Variants in NREP observed in about 807,000 individuals in gnomAD.
NREP encodes the protein neuronal regeneration related protein, also known as neuronal regeneration-related protein.
NREP carries 5 observed loss-of-function variants against 8.6 expected under a neutral mutation model. The observed-to-expected ratio is 0.58, with a 90% CI of 0.30 to 1.22. NREP has a LOEUF of 1.22. NREP is among the 50% of genes most tolerant of loss of function. The pLI is 0.07. For synonymous variants in NREP, 27 were observed against 28.0 expected, an observed-to-expected ratio of 0.96 and a Z score of 0.11; for missense variants, 86 against 82.5, an observed-to-expected ratio of 1.04 and a Z score of -0.17.
At chr5:111,871,587 T>C (rs1260015358) in intron 2 of NREP, among the ~76,000 whole-genome samples, 10 of 152,124 alleles carry the variant, frequency 6.6e-5, no homozygotes, top group Non-Finnish European at 1.5e-4. Flanking sequence ...ACTTTTTGAC[T>C]ATTGTAAGCT....
chr5:111,881,035 C>A (rs541948241), intron 2 of NREP, among the ~76,000 whole-genome samples: 1 of 152,208 alleles, frequency 6.6e-6, no homozygotes, highest in Non-Finnish European at 1.5e-5. Flanking sequence ...TTGCCTCACT[C>A]GGGAAGCGTA....
In NREP at chr5:111,962,127, T is replaced by G. The variant is rs1440343562; in HGVS notation, c.135+13147A>C. 2.0e-5 allele frequency among the ~76,000 whole-genome samples: 3 copies of G among 152,284 alleles called. No individual in the cohort carries two copies. In the East Asian group the frequency reaches 5.8e-4, roughly 29 times the overall value. The stretch of plus-strand genomic sequence containing the variant: ...TAAATAGTTCAGTGCTGTAAATAGT[T>G]CAGTTCCAGTACCATGGCTCTTTTA... On this transcript the variant is annotated intron_variant, in intron 2 of 3. Coordinates refer to the NREP transcript ENST00000395634.
chr5:111,869,866 G>A lies in NREP; in HGVS notation c.135+105408C>T, dbSNP rs542314373. ...GTTGAGCAAATGTAAGAAATGACTC[G>A]TATGAATGAATTTCTTGATGAAGAA... On this transcript the variant is annotated intron_variant, in intron 2 of 3. Coordinates refer to the NREP transcript ENST00000395634. Among the ~76,000 whole-genome samples, 46 of 152,302 alleles carry A rather than the reference G, an allele frequency of 3.0e-4. No homozygotes were observed. The South Asian group carries it at 5.2e-3, about 17-fold the overall frequency.
intron 2 of NREP, among the ~76,000 whole-genome samples, chr5:111,919,713 G>A (rs1755169194): frequency 6.6e-6 from 1 of 151,958 alleles, no homozygotes; most frequent in African/African-American, 2.4e-5. Context: ...CACACACCGG[G>A]GCCTGTCAGG....
intron 2 of NREP, among the ~76,000 whole-genome samples, chr5:111,919,722 G>T (rs891948304): frequency 6.6e-6 from 1 of 152,020 alleles, no homozygotes. Context: ...GGGCCTGTCA[G>T]GGGTTGAGGG....
chr5:111,883,811 C>G (rs1754153859), intron 2 of NREP, among the ~76,000 whole-genome samples: 1 of 152,050 alleles, frequency 6.6e-6, no homozygotes, highest in Admixed American at 6.5e-5. Flanking sequence ...ATCTCTGGGA[C>G]ACATTCAAAG....
At chr5:111,803,820 G>A (rs969166462) in intron 2 of NREP, among the ~76,000 whole-genome samples, 4 of 152,110 alleles carry the variant, frequency 2.6e-5, no homozygotes, top group African/African-American at 9.7e-5. Context: ...AGGTACAAAA[G>A]ATGAAATAAC....
At chr5:111,893,984 G>A (rs1323045463) in intron 2 of NREP, among the ~76,000 whole-genome samples, 2 of 152,058 alleles carry the variant, frequency 1.3e-5, no homozygotes, top group East Asian at 1.9e-4. Flanking sequence ...TTGGGAGGCC[G>A]ACGCAGGCAG....
At chr5:111,962,869 T>C (rs577923797) in intron 2 of NREP, among the ~76,000 whole-genome samples, 2 of 152,134 alleles carry the variant, frequency 1.3e-5, no homozygotes, top group African/African-American at 2.4e-5. Flanking sequence ...GCCTGTCTCA[T>C]CCCTTCTCTA....
At position 111,938,254 on chromosome 5, in the gene NREP, G is replaced by T. The variant is rs570450177; in HGVS notation, c.135+37020C>A. 3.3e-5 allele frequency among the ~76,000 whole-genome samples: 5 copies of T among 152,110 alleles called. No individual in the cohort carries two copies. The South Asian group carries it at 8.3e-4, about 25-fold the overall frequency. ...CATAGTTTGTTTCTGTTATACAAAG[G>T]CTGATTCTTACTTTCCTTTTCCAGT... On this transcript the variant is annotated intron_variant, in intron 2 of 3. Coordinates refer to the NREP transcript ENST00000395634.
At chr5:111,957,119 G>A (rs568545743) in intron 2 of NREP, among the ~76,000 whole-genome samples, 2 of 151,810 alleles carry the variant, frequency 1.3e-5, no homozygotes, top group South Asian at 2.1e-4. Context: ...TAACAATTGC[G>A]AGGGAGGGAG....
At chr5:111,887,115 G>A (rs2112527210) in intron 2 of NREP, among the ~76,000 whole-genome samples, 1 of 152,084 alleles carries the variant, frequency 6.6e-6, no homozygotes, top group Middle Eastern at 3.4e-3. Flanking sequence ...ATAGAGTTGA[G>A]GTTTCACTAT....
intron 2 of NREP, among the ~76,000 whole-genome samples, chr5:111,973,203 G>A (rs1222994734): frequency 1.3e-5 from 2 of 152,036 alleles, no homozygotes. Flanking sequence ...TGATCTTGCA[G>A]TGCCAGCAGC....
At chr5:111,744,091 T>C (rs1261030524) in intron 2 of NREP, among the ~76,000 whole-genome samples, 2 of 152,152 alleles carry the variant, frequency 1.3e-5, no homozygotes, top group Non-Finnish European at 1.5e-5. Context: ...TTCAAAGCAT[T>C]CCTCTTGTTG....
chr5:111,732,950 G>A (rs1481752777), intron 3 of NREP: 1 of 152,128 alleles, frequency 6.6e-6, no homozygotes, highest in East Asian at 1.9e-4. Context: ...TATACAGAAC[G>A]TTAGTGTATC....
intron 2 of NREP, among the ~76,000 whole-genome samples, chr5:111,867,364 A>G (rs1034370514): frequency 6.6e-6 from 1 of 152,056 alleles, no homozygotes; most frequent in African/African-American, 2.4e-5. Context: ...GTGTGCTCAC[A>G]TGGGTTTTTC....
chr5:111,825,710 A>G (rs1218047270), intron 2 of NREP, among the ~76,000 whole-genome samples: 1 of 152,194 alleles, frequency 6.6e-6, no homozygotes, highest in East Asian at 1.9e-4. Context: ...ACTGCAGCCC[A>G]AAACTTAGCC....
chr5:111,847,211 A>G (rs1250435001), intron 2 of NREP, among the ~76,000 whole-genome samples: 2 of 152,070 alleles, frequency 1.3e-5, no homozygotes, highest in Non-Finnish European at 2.9e-5. Flanking sequence ...TGACAGTTCT[A>G]GAGACTGGAA....
intron 2 of NREP, among the ~76,000 whole-genome samples, chr5:111,862,252 C>T (rs890121437): frequency 2.6e-5 from 4 of 152,192 alleles, no homozygotes; most frequent in African/African-American, 4.8e-5. Context: ...CATGTACATA[C>T]ATTTCTCCAA....
Sources: allele counts gnomAD v4.1 joint callset (sites outside exome capture counted in the v4.1 genomes callset), GRCh38; gene constraint gnomAD v4.1.1; transcripts MANE v1.5; gene names NCBI Gene and HGNC (gene_info 2026-07-23, HGNC 2026-07-21).